Variants in TENM1 observed in about 807,000 individuals in gnomAD.
TENM1 encodes teneurin-1.
A neutral mutation model predicts 174.8 loss-of-function variants in TENM1; 35 were observed. The observed-to-expected ratio is 0.20, with a 90% CI of 0.15 to 0.27. The LOEUF (loss-of-function observed/expected upper bound fraction) is 0.27, where lower values mean the gene tolerates loss of function less well. Ranked by LOEUF, TENM1 falls within the 10% of genes least tolerant of loss-of-function variation. The probability of loss-of-function intolerance (pLI) is 1.00; values close to 1 mark genes in which losing one functional copy is unlikely to be tolerated. For synonymous variants in TENM1, 781 were observed against 798.7 expected, an observed-to-expected ratio of 0.98 and a Z score of 0.37; for missense variants, 1,633 against 2,130.1, an observed-to-expected ratio of 0.77 and a Z score of 4.59.
chrX:124,778,880 A>C (rs1370235704), intron 3 of TENM1, among the ~76,000 whole-genome samples: 1 of 112,135 alleles, frequency 8.9e-6, no homozygotes, highest in East Asian at 2.8e-4. Flanking sequence ...ATAAAAATTT[A>C]AGTGAAAATT....
intron 3 of TENM1, among the ~76,000 whole-genome samples, chrX:124,806,677 T>G (rs2055607511): frequency 8.9e-6 from 1 of 112,086 alleles, no homozygotes; most frequent in African/African-American, 3.2e-5. Context: ...AAGGAACACT[T>G]GAGACTCCGT....
At chrX:124,440,317 T>C (rs1159072523) in intron 23 of TENM1, among the ~76,000 whole-genome samples, 1 of 112,400 alleles carries the variant, frequency 8.9e-6, no homozygotes, top group Non-Finnish European at 1.9e-5. Flanking sequence ...AAGTGTATGA[T>C]GAATCAACAG....
chrX:124,866,521 G>T (rs1045677721), intron 3 of TENM1, among the ~76,000 whole-genome samples: 3 of 111,336 alleles, frequency 2.7e-5, no homozygotes, highest in African/African-American at 9.8e-5. Flanking sequence ...GTACTAAGAA[G>T]GAGGTTTATA....
At chrX:125,061,140 G>A in the TENM1 span, among the ~76,000 whole-genome samples, 3 of 110,506 alleles carry the variant, frequency 2.7e-5, no homozygotes, top group African/African-American at 6.6e-5. Context: ...ATTAATTAAC[G>A]GTTCAAAAGA....
chrX:124,710,799 T>G lies in TENM1; in HGVS notation c.777-5548A>C, dbSNP rs752674001. Among the ~76,000 whole-genome samples the G allele has an allele frequency of 4.4e-5, 5 of 112,407 alleles. No homozygotes were observed. The East Asian group carries it at 1.4e-3, about 31-fold the overall frequency. ...ATTCTATGCTGAAAGTGATCTGTAC[T>G]TTGTTGTGAACCATGAAAAAGAGCA... On this transcript the variant is annotated intron_variant, in intron 4 of 31. Coordinates refer to ENST00000422452, the Ensembl canonical transcript of TENM1.
intron 1 of TENM1, among the ~76,000 whole-genome samples, chrX:124,899,577 T>C (rs1180613614): frequency 4.5e-5 from 5 of 111,698 alleles, no homozygotes; most frequent in Non-Finnish European, 3.8e-5. Flanking sequence ...AGTGCTGCAA[T>C]GAACATCTGA....
intron 3 of TENM1, among the ~76,000 whole-genome samples, chrX:124,801,748 A>G (rs182394453): frequency 9.0e-6 from 1 of 111,221 alleles, no homozygotes; most frequent in African/African-American, 3.3e-5. Context: ...CATATTTAAT[A>G]CTTCCTTCAG....
intron 22 of TENM1, among the ~76,000 whole-genome samples, chrX:124,479,156 C>A (rs770922879): frequency 1.4e-3 from 155 of 112,308 alleles, no homozygotes; most frequent in African/African-American, 4.8e-3. Context: ...AGATCACTGA[C>A]AGGGTCTTCA....
the TENM1 span, among the ~76,000 whole-genome samples, chrX:125,042,073 T>C: frequency 1.8e-5 from 2 of 112,077 alleles, no homozygotes; most frequent in African/African-American, 6.4e-5. Flanking sequence ...CATATCTGAA[T>C]ATATCGTATA....
chrX:124,516,857 A>C (rs1191923577), intron 18 of TENM1, among the ~76,000 whole-genome samples: 1 of 111,996 alleles, frequency 8.9e-6, no homozygotes, highest in Non-Finnish European at 1.9e-5. Flanking sequence ...ACAAATGTTC[A>C]TTGCAGCACT....
chrX:125,162,445 A>G, the TENM1 span, among the ~76,000 whole-genome samples: 1 of 111,483 alleles, frequency 9.0e-6, no homozygotes, highest in Admixed American at 9.5e-5. Flanking sequence ...GAAGTTCACC[A>G]ATGTGCCAAA....
At chrX:125,142,410 G>A in the TENM1 span, among the ~76,000 whole-genome samples, 2 of 111,260 alleles carry the variant, frequency 1.8e-5, no homozygotes, top group South Asian at 3.8e-4. Flanking sequence ...ACTCCACAGA[G>A]GTTCTTGAAG....
intron 8 of TENM1, among the ~76,000 whole-genome samples, chrX:124,648,508 A>G (rs1215259769): frequency 8.9e-6 from 1 of 112,651 alleles, no homozygotes; most frequent in Non-Finnish European, 1.9e-5. Flanking sequence ...ACTGAAATGT[A>G]GCATTCAGCA....
chrX:124,580,832 C>G (rs2049286847), intron 11 of TENM1, among the ~76,000 whole-genome samples: 1 of 110,324 alleles, frequency 9.1e-6, no homozygotes, highest in Non-Finnish European at 1.9e-5. Context: ...AATCCAGGCA[C>G]TGAGCATACT....
At chrX:124,828,343 G>A (rs2056213827) in intron 3 of TENM1, among the ~76,000 whole-genome samples, 1 of 111,894 alleles carries the variant, frequency 8.9e-6, no homozygotes, top group South Asian at 3.8e-4. Flanking sequence ...TTTGGCACAA[G>A]CACGGATAAT....
At chrX:125,095,798 G>T in the TENM1 span, among the ~76,000 whole-genome samples, 1 of 111,611 alleles carries the variant, frequency 9.0e-6, no homozygotes, top group Non-Finnish European at 1.9e-5. Flanking sequence ...CTTCAAAAGA[G>T]ATGGCATTGG....
the TENM1 span, among the ~76,000 whole-genome samples, chrX:124,970,797 A>G: frequency 2.7e-5 from 3 of 111,220 alleles, no homozygotes; most frequent in African/African-American, 9.8e-5. Flanking sequence ...TATGTACCCA[A>G]AGGATTATAA....
At chrX:124,651,209 T>C (rs778532892) in intron 8 of TENM1, among the ~76,000 whole-genome samples, 1 of 111,790 alleles carries the variant, frequency 8.9e-6, no homozygotes, top group Admixed American at 9.5e-5. Flanking sequence ...GAGCTCAGCT[T>C]TATTCACACA....
chrX:124,513,741 A>G (rs1011690210), intron 18 of TENM1, among the ~76,000 whole-genome samples: 2 of 111,670 alleles, frequency 1.8e-5, no homozygotes, highest in African/African-American at 6.5e-5. Flanking sequence ...TATCAGCTCA[A>G]TGGTTGTATA....
Sources: gnomAD v4.1 joint callset for allele counts (sites outside exome capture counted in the v4.1 genomes callset) on GRCh38, gnomAD v4.1.1 for gene constraint, MANE v1.5 for transcripts, NCBI Gene and HGNC (gene_info 2026-07-23, HGNC 2026-07-21) for gene names.